The following MACROD2 variants were observed in gnomAD, a reference collection of about 807,000 sequenced individuals.
MACROD2 encodes the protein ADP-ribose glycohydrolase MACROD2.
Under a neutral mutation model 70.4 loss-of-function variants are expected in MACROD2, and 36 were observed. The observed-to-expected ratio is 0.51, with a 90% CI of 0.39 to 0.68. The LOEUF is 0.68. Ranked by LOEUF, MACROD2 falls within the 30% of genes least tolerant of loss-of-function variation. The pLI, the probability that MACROD2 is intolerant of heterozygous loss-of-function variation, is 0.00. For missense variants in MACROD2, 496 were observed against 538.4 expected (o/e 0.92, Z 0.78); for synonymous variants, 172 against 178.8 (o/e 0.96, Z 0.30).
At chr20:15,539,412 T>G (rs1352553997) in intron 8 of MACROD2, among the ~76,000 whole-genome samples, 1 of 152,222 alleles carries the variant, frequency 6.6e-6, no homozygotes, top group Admixed American at 6.5e-5. Context: ...TAATATCACA[T>G]GAAACGGGCC....
chr20:16,012,478 C>T (rs957270319), intron 15 of MACROD2, among the ~76,000 whole-genome samples: 2 of 152,110 alleles, frequency 1.3e-5, no homozygotes, highest in African/African-American at 4.8e-5. Context: ...AAAAATCTCC[C>T]TGAGTGACTC....
chr20:14,972,428 T>G (rs545749896), intron 5 of MACROD2, among the ~76,000 whole-genome samples: 6 of 152,254 alleles, frequency 3.9e-5, no homozygotes, highest in African/African-American at 1.4e-4. Context: ...AAGCATAGGG[T>G]TGGGTCTGTC....
chr20:15,650,718 G>A (rs948771135), intron 8 of MACROD2, among the ~76,000 whole-genome samples: 1 of 152,134 alleles, frequency 6.6e-6, no homozygotes, highest in Non-Finnish European at 1.5e-5. Context: ...ACTGATGTTG[G>A]ATAGCACAAT....
intron 8 of MACROD2, among the ~76,000 whole-genome samples, chr20:15,697,981 A>T (rs1419515490): frequency 6.6e-6 from 1 of 152,094 alleles, no homozygotes; most frequent in African/African-American, 2.4e-5. Context: ...AAGGCAGCAG[A>T]TGGTTTGTTG....
chr20:15,046,862 T>G (rs2075398573), intron 5 of MACROD2, among the ~76,000 whole-genome samples: 1 of 152,236 alleles, frequency 6.6e-6, no homozygotes, highest in South Asian at 2.1e-4. Flanking sequence ...GCTAATGCTT[T>G]CCTTCTGAAA....
At chr20:15,643,976 TGC>T (rs747673120) in intron 8 of MACROD2, among the ~76,000 whole-genome samples, 27 of 152,190 alleles carry the variant, frequency 1.8e-4, no homozygotes, top group Non-Finnish European at 2.4e-4. Context: ...AAAAGGATAA[TGC>T]CTCTCTCCCT....
At chr20:14,764,359 A>C (rs112754413) in intron 5 of MACROD2, among the ~76,000 whole-genome samples, 1 of 151,990 alleles carries the variant, frequency 6.6e-6, no homozygotes, top group African/African-American at 2.4e-5. Flanking sequence ...GTGATTTGAC[A>C]TGCTTTTCCA....
intron 5 of MACROD2, among the ~76,000 whole-genome samples, chr20:14,760,424 A>T (rs1407787823): frequency 6.6e-6 from 1 of 152,122 alleles, no homozygotes; most frequent in Admixed American, 6.5e-5. Flanking sequence ...TACATAGGAA[A>T]GTATTAATTA....
At chr20:15,415,432 C>T (rs1458007762) in intron 6 of MACROD2, among the ~76,000 whole-genome samples, 1 of 152,046 alleles carries the variant, frequency 6.6e-6, no homozygotes, top group African/African-American at 2.4e-5. Flanking sequence ...AGGATGTGTC[C>T]CACTTTCAGA....
intron 3 of MACROD2, among the ~76,000 whole-genome samples, chr20:14,275,430 G>T (rs1474704838): frequency 6.6e-6 from 1 of 151,874 alleles, no homozygotes; most frequent in Non-Finnish European, 1.5e-5. Context: ...CTAGCCATAT[G>T]TAGAAAGCTG....
chr20:15,908,675 C>T (rs1248254940), intron 10 of MACROD2, among the ~76,000 whole-genome samples: 6 of 152,164 alleles, frequency 3.9e-5, no homozygotes, highest in African/African-American at 1.4e-4. Flanking sequence ...ATTTCTTACT[C>T]AGCAACAGTG....
chr20:14,562,813 A>T (rs1226904819), intron 4 of MACROD2, among the ~76,000 whole-genome samples: 1 of 151,210 alleles, frequency 6.6e-6, no homozygotes, highest in South Asian at 2.1e-4. Context: ...AGAGTCAGGG[A>T]CTCTAGAGGA....
At chr20:14,757,850 C>T (rs921855271) in intron 5 of MACROD2, 25 of 1,517,020 alleles carry the variant, frequency 1.6e-5, no homozygotes, top group Middle Eastern at 2.3e-4. Flanking sequence ...ATGCCGTAGC[C>T]GTCCAGGGAC....
At chr20:15,778,461 C>G (rs1437978251) in intron 8 of MACROD2, among the ~76,000 whole-genome samples, 1 of 152,042 alleles carries the variant, frequency 6.6e-6, no homozygotes, top group Non-Finnish European at 1.5e-5. Flanking sequence ...AATTGTACAT[C>G]TTTCTGAACT....
chr20:15,072,787 A>C (rs2075628599), intron 5 of MACROD2, among the ~76,000 whole-genome samples: 1 of 152,154 alleles, frequency 6.6e-6, no homozygotes, highest in Non-Finnish European at 1.5e-5. Flanking sequence ...ACATCTAAAA[A>C]AGAATAAATC....
At chr20:14,430,040 C>T (rs1436271807) in intron 3 of MACROD2, among the ~76,000 whole-genome samples, 1 of 152,190 alleles carries the variant, frequency 6.6e-6, no homozygotes, top group Non-Finnish European at 1.5e-5. Flanking sequence ...TCAGCATCTA[C>T]TTTTGGTGTA....
intron 8 of MACROD2, among the ~76,000 whole-genome samples, chr20:15,649,588 G>A (rs2049613290): frequency 2.0e-5 from 3 of 152,024 alleles, no homozygotes; most frequent in Non-Finnish European, 2.9e-5. Context: ...CTTACTTGGG[G>A]CCACTTCTGA....
At chr20:15,444,459 G>A (rs2146380736) in intron 7 of MACROD2, among the ~76,000 whole-genome samples, 1 of 152,152 alleles carries the variant, frequency 6.6e-6, no homozygotes, top group Middle Eastern at 3.4e-3. Context: ...CCATTCTTTG[G>A]TCCTCTAGTT....
chr20:14,720,848 G>A (rs534385435), intron 5 of MACROD2, among the ~76,000 whole-genome samples: 9 of 151,862 alleles, frequency 5.9e-5, no homozygotes, highest in Admixed American at 1.3e-4. Context: ...CACTGCTCCC[G>A]CCCACAAAAC....
Sources: allele counts gnomAD v4.1 joint callset (sites outside exome capture counted in the v4.1 genomes callset), GRCh38; gene constraint gnomAD v4.1.1; transcripts MANE v1.5; gene names NCBI Gene and HGNC (gene_info 2026-07-23, HGNC 2026-07-21).